The following FAM83B variants were observed in gnomAD, a reference collection of about 807,000 sequenced individuals.
FAM83B encodes protein FAM83B.
In FAM83B, 26 loss-of-function variants were observed where a neutral mutation model predicts 38.8. That is an observed-to-expected ratio of 0.67 (90% CI 0.49 to 0.93). The LOEUF is 0.93. FAM83B is among the 40% of genes least tolerant of loss of function. The probability of loss-of-function intolerance (pLI) is 0.00; values close to 1 mark genes in which losing one functional copy is unlikely to be tolerated. For synonymous variants in FAM83B, 419 were observed against 423.1 expected, an observed-to-expected ratio of 0.99 and a Z score of 0.12; for missense variants, 1,237 against 1,197.3, an observed-to-expected ratio of 1.03 and a Z score of -0.49.
chr6:54,857,757 C>T (rs1336385624), intron 1 of FAM83B, among the ~76,000 whole-genome samples: 2 of 152,106 alleles, frequency 1.3e-5, no homozygotes, highest in East Asian at 1.9e-4. Flanking sequence ...AAATATTTTA[C>T]TTACTTCACA....
intron 4 of FAM83B, among the ~76,000 whole-genome samples, chr6:54,930,786 G>C (rs142231273): frequency 1.3e-5 from 2 of 151,814 alleles, no homozygotes; most frequent in East Asian, 1.9e-4. Flanking sequence ...AGGTTGTTGC[G>C]TGAGATCTTT....
chr6:54,865,090 A>T (rs761587516), intron 1 of FAM83B, among the ~76,000 whole-genome samples: 11 of 152,232 alleles, frequency 7.2e-5, no homozygotes, highest in Non-Finnish European at 1.6e-4. Context: ...GCATTTTTGT[A>T]CGCATTTGTA....
intron 1 of FAM83B, among the ~76,000 whole-genome samples, chr6:54,869,715 A>G (rs930502079): frequency 1.3e-5 from 2 of 152,150 alleles, no homozygotes; most frequent in Non-Finnish European, 2.9e-5. Context: ...AAAGCACTGA[A>G]TATAGGCATT....
intron 2 of FAM83B, among the ~76,000 whole-genome samples, chr6:54,893,814 A>G (rs1772458625): frequency 6.6e-6 from 1 of 152,188 alleles, no homozygotes; most frequent in African/African-American, 2.4e-5. Flanking sequence ...ATTTATATGC[A>G]GAGAAATATA....
At chr6:54,857,529 A>T (rs1036566117) in intron 1 of FAM83B, among the ~76,000 whole-genome samples, 1 of 152,180 alleles carries the variant, frequency 6.6e-6, no homozygotes, top group Admixed American at 6.5e-5. Flanking sequence ...GGGTAGGTCG[A>T]CAGATCTCTA....
intron 1 of FAM83B, among the ~76,000 whole-genome samples, chr6:54,868,317 G>A (rs1581888682): frequency 6.6e-6 from 1 of 152,166 alleles, no homozygotes; most frequent in East Asian, 1.9e-4. Context: ...GATGCTAGTA[G>A]CCCTCCTCCG....
chr6:54,849,867 A>G (rs142193242), intron 1 of FAM83B, among the ~76,000 whole-genome samples: 22 of 152,124 alleles, frequency 1.4e-4, no homozygotes, highest in African/African-American at 5.3e-4. Context: ...TTGCATACTG[A>G]CATAGAGTCA....
At chr6:54,937,654 G>C (rs1330648356) in intron 4 of FAM83B, among the ~76,000 whole-genome samples, 3 of 152,008 alleles carry the variant, frequency 2.0e-5, no homozygotes, top group Non-Finnish European at 4.4e-5. Context: ...AGACATTGTA[G>C]CTATTATGCT....
chr6:54,908,131 G>GAAA (rs200867108), intron 2 of FAM83B, among the ~76,000 whole-genome samples: 1 of 138,986 alleles, frequency 7.2e-6, no homozygotes, highest in Non-Finnish European at 1.6e-5. Context: ...GGATTTCATG[G>GAAA]AAAAAAAAAA....
intron 2 of FAM83B, among the ~76,000 whole-genome samples, chr6:54,908,236 C>G (rs552825139): frequency 6.6e-6 from 1 of 151,160 alleles, no homozygotes; most frequent in Non-Finnish European, 1.5e-5. Context: ...CGTTCACTCT[C>G]AAACTCCTTA....
intron 2 of FAM83B, among the ~76,000 whole-genome samples, chr6:54,877,369 G>C (rs75926503): frequency 6.6e-6 from 1 of 152,134 alleles, no homozygotes; most frequent in East Asian, 1.9e-4. Context: ...AAGTCATGAA[G>C]GTTTGCCATG....
chr6:54,876,327 GT>G (rs370217741), intron 2 of FAM83B, among the ~76,000 whole-genome samples: 75 of 86,932 alleles, frequency 8.6e-4, no homozygotes, highest in Middle Eastern at 6.3e-3. Context: ...ATATGTTTTT[GT>G]TTTTTTTTTT....
At chr6:54,920,775 A>C (rs974359290) in intron 2 of FAM83B, among the ~76,000 whole-genome samples, 2 of 151,952 alleles carry the variant, frequency 1.3e-5, no homozygotes, top group Non-Finnish European at 2.9e-5. Context: ...AGAAGGCTTC[A>C]CAATCTTATG....
intron 4 of FAM83B, among the ~76,000 whole-genome samples, chr6:54,934,402 T>C (rs1365294586): frequency 6.6e-6 from 1 of 152,180 alleles, no homozygotes; most frequent in Non-Finnish European, 1.5e-5. Flanking sequence ...AGCTGAATGA[T>C]AGACTGGGGA....
chr6:54,852,102 G>C (rs1282912510), intron 1 of FAM83B, among the ~76,000 whole-genome samples: 1 of 152,152 alleles, frequency 6.6e-6, no homozygotes, highest in Non-Finnish European at 1.5e-5. Context: ...CTTTATTTCT[G>C]TCTGTCATCT....
At chr6:54,899,315 A>C (rs2127581932) in intron 2 of FAM83B, among the ~76,000 whole-genome samples, 1 of 152,324 alleles carries the variant, frequency 6.6e-6, no homozygotes, top group African/African-American at 2.4e-5. Flanking sequence ...GGATTTCAAA[A>C]ATCACAAGCA....
intron 2 of FAM83B, among the ~76,000 whole-genome samples, chr6:54,922,005 A>G (rs1773183596): frequency 6.6e-6 from 1 of 152,102 alleles, no homozygotes; most frequent in Non-Finnish European, 1.5e-5. Flanking sequence ...AAGCCCTGAA[A>G]AGCAACCTGG....
intron 1 of FAM83B, among the ~76,000 whole-genome samples, chr6:54,866,773 A>G (rs1472630917): frequency 1.3e-5 from 2 of 152,148 alleles, no homozygotes; most frequent in African/African-American, 4.8e-5. Flanking sequence ...TTTCTTGGAT[A>G]AATCACCAAA....
chr6:54,866,010 T>C (rs567242051), intron 1 of FAM83B, among the ~76,000 whole-genome samples: 18 of 150,576 alleles, frequency 1.2e-4, no homozygotes, highest in African/African-American at 4.4e-4. Flanking sequence ...AAGGTTGAAA[T>C]GCATTACCTT....
Sources: gnomAD v4.1 joint callset for allele counts (sites outside exome capture counted in the v4.1 genomes callset) on GRCh38, gnomAD v4.1.1 for gene constraint, MANE v1.5 for transcripts, NCBI Gene and HGNC (gene_info 2026-07-23, HGNC 2026-07-21) for gene names.